Variants in TENM2 observed in about 807,000 individuals in gnomAD.
TENM2 encodes the protein teneurin transmembrane protein 2.
TENM2 carries 52 observed loss-of-function variants against 245.2 expected under a neutral mutation model. The ratio of observed to expected loss-of-function variants is 0.21; its 90% CI spans 0.17 to 0.27. The LOEUF is 0.27. Ranked by LOEUF, TENM2 falls within the 10% of genes least tolerant of loss-of-function variation. The pLI, the probability that TENM2 is intolerant of heterozygous loss-of-function variation, is 1.00. For missense variants in TENM2, 3,046 were observed against 3,666.8 expected (o/e 0.83, Z 4.37); for synonymous variants, 1,363 against 1,438.9 (o/e 0.95, Z 1.19).
In TENM2 at chr5:168,217,521, C is replaced by T. The variant is rs577820060; in HGVS notation, c.4233+599C>T. Among the ~76,000 whole-genome samples, 3 of 152,312 alleles carry T rather than the reference C, an allele frequency of 2.0e-5. No individual in the cohort carries two copies. In the South Asian group the frequency reaches 6.2e-4, roughly 32 times the overall value. On this transcript the variant is annotated intron_variant, in intron 22 of 28. Transcript: ENST00000518659. The stretch of plus-strand genomic sequence containing the variant: ...CCTTGGCGAGCCTCATAAATTTCAG[C>T]TCAAGTTCCACAACAGACAACTTGC...
At chr5:168,133,457 G>A (rs554706055) in intron 12 of TENM2, among the ~76,000 whole-genome samples, 76 of 152,308 alleles carry the variant, frequency 5.0e-4, no homozygotes, top group African/African-American at 1.8e-3. Flanking sequence ...TACTTTTGAT[G>A]CAGAAACATA....
At chr5:167,142,858 A>G in the TENM2 span, among the ~76,000 whole-genome samples, 1 of 152,060 alleles carries the variant, frequency 6.6e-6, no homozygotes, top group East Asian at 1.9e-4. Context: ...CCTTATTCAT[A>G]TTTTTAAGCC....
chr5:167,227,994 C>G, the TENM2 span, among the ~76,000 whole-genome samples: 31,414 of 151,568 alleles, frequency 0.21, 3,787 homozygotes, highest in African/African-American at 0.33. Context: ...TTATAAAGAC[C>G]TGTCTTCAAG....
At chr5:167,512,745 A>C (rs1014811303) in intron 2 of TENM2, among the ~76,000 whole-genome samples, 2 of 152,208 alleles carry the variant, frequency 1.3e-5, no homozygotes, top group African/African-American at 4.8e-5. Flanking sequence ...AGAATTACCT[A>C]TGGAACTCCA....
the TENM2 span, among the ~76,000 whole-genome samples, chr5:167,152,540 C>T: frequency 2.6e-5 from 4 of 152,296 alleles, no homozygotes; most frequent in East Asian, 7.7e-4. Context: ...AAGGGATCCT[C>T]TTACCTGTAG....
intron 2 of TENM2, among the ~76,000 whole-genome samples, chr5:167,625,112 C>T (rs576085004): frequency 6.6e-6 from 1 of 152,220 alleles, no homozygotes; most frequent in South Asian, 2.1e-4. Flanking sequence ...CACCTTTTCA[C>T]AGGGAGACAT....
chr5:167,543,182 G>A (rs1772327600), intron 2 of TENM2, among the ~76,000 whole-genome samples: 1 of 152,124 alleles, frequency 6.6e-6, no homozygotes, highest in East Asian at 1.9e-4. Context: ...ATCGGAGGGG[G>A]TGGTACTCTT....
At chr5:167,637,454 A>G (rs955108000) in intron 2 of TENM2, among the ~76,000 whole-genome samples, 9 of 152,354 alleles carry the variant, frequency 5.9e-5, no homozygotes, top group Middle Eastern at 3.4e-3. Flanking sequence ...CATTTGACCC[A>G]GCAATCCCAT....
chr5:168,129,507 T>C (rs1754378514), intron 12 of TENM2: 1 of 152,214 alleles, frequency 6.6e-6, no homozygotes, highest in Non-Finnish European at 1.5e-5. Context: ...CCAAAGCCTT[T>C]TCTTGTGAGA....
the TENM2 span, among the ~76,000 whole-genome samples, chr5:167,199,894 T>A: frequency 3.9e-5 from 6 of 152,112 alleles, no homozygotes; most frequent in South Asian, 4.1e-4. Flanking sequence ...TCATCCCTAC[T>A]TTGTCTATGG....
Position 168,120,638 on chromosome 5 carries a change from A to G in TENM2, c.2008+2152A>G, listed in dbSNP as rs76358692. Among the ~76,000 whole-genome samples, 296 of 152,350 alleles carry G rather than the reference A, an allele frequency of 1.9e-3. 3 individuals are homozygous for G. Among genetic ancestry groups the G allele is most frequent in the African/African-American group, 6.8e-3 (282 of 41,574 alleles). The stretch of plus-strand genomic sequence containing the variant: ...CCATCCAACCAAACAAGCCACGTGA[A>G]TCATTATGAAAGGATGAAATCTCCT... On this transcript the variant is annotated intron_variant, in intron 10 of 28. Coordinates refer to ENST00000518659, the Ensembl canonical transcript of TENM2.
chr5:167,355,530 C>T (rs1269162570), intron 1 of TENM2, among the ~76,000 whole-genome samples: 1 of 152,128 alleles, frequency 6.6e-6, no homozygotes, highest in Non-Finnish European at 1.5e-5. Context: ...GGCTCCTAAC[C>T]CCTTGTGACA....
intron 3 of TENM2, among the ~76,000 whole-genome samples, chr5:167,943,351 G>C (rs1779345266): frequency 1.3e-5 from 2 of 151,912 alleles, no homozygotes; most frequent in South Asian, 4.2e-4. Flanking sequence ...TTTTATCTTT[G>C]TTTTGATCTT....
intron 2 of TENM2, among the ~76,000 whole-genome samples, chr5:167,399,872 T>G (rs1489150056): frequency 1.3e-5 from 2 of 151,714 alleles, no homozygotes; most frequent in Non-Finnish European, 2.9e-5. Flanking sequence ...AGAACATTGT[T>G]CTTGTAAAGA....
intron 1 of TENM2, among the ~76,000 whole-genome samples, chr5:167,311,980 G>A (rs1183133263): frequency 6.6e-6 from 1 of 152,046 alleles, no homozygotes; most frequent in Admixed American, 6.5e-5. Flanking sequence ...AATTTTTTAA[G>A]GTCATATGAC....
the TENM2 span, among the ~76,000 whole-genome samples, chr5:167,069,243 A>G: frequency 5.7e-3 from 871 of 152,110 alleles, 5 homozygotes; most frequent in South Asian, 0.022. Context: ...TTTTATTCCT[A>G]TTGTCTGGAT....
intron 5 of TENM2, chr5:168,033,238 A>T (rs540767322): frequency 1.3e-5 from 2 of 152,330 alleles, no homozygotes; most frequent in South Asian, 4.1e-4. Flanking sequence ...TGTAGTTAAG[A>T]AATAACAGTC....
chr5:168,250,226 G>A (rs1444431030), intron 27 of TENM2, among the ~76,000 whole-genome samples: 2 of 152,000 alleles, frequency 1.3e-5, no homozygotes, highest in African/African-American at 4.8e-5. Flanking sequence ...GTGAATGGAT[G>A]GATGGGTGTG....
chr5:168,155,284 A>G (rs1032929622), intron 12 of TENM2, among the ~76,000 whole-genome samples: 4 of 152,160 alleles, frequency 2.6e-5, no homozygotes, highest in East Asian at 1.9e-4. Context: ...GGCAGACTCT[A>G]TTATTAAATA....
Sources: allele counts gnomAD v4.1 joint callset (sites outside exome capture counted in the v4.1 genomes callset), GRCh38; gene constraint gnomAD v4.1.1; transcripts MANE v1.5; gene names NCBI Gene and HGNC (gene_info 2026-07-23, HGNC 2026-07-21).